The following GALNT2 variants were observed in gnomAD, a reference collection of about 807,000 sequenced individuals.
GALNT2 encodes polypeptide N-acetylgalactosaminyltransferase 2, also known as UDP-GalNAc:polypeptide N-acetylgalactosaminyltransferase 2.
A neutral mutation model predicts 81.4 loss-of-function variants in GALNT2; 31 were observed. The ratio of observed to expected loss-of-function variants is 0.38; its 90% confidence interval spans 0.29 to 0.51. The LOEUF (loss-of-function observed/expected upper bound fraction) is 0.51, where lower values mean the gene tolerates loss of function less well. GALNT2 is among the 20% of genes least tolerant of loss of function. The pLI is 0.87. For synonymous variants in GALNT2, 303 were observed against 287.4 expected (o/e 1.05, Z -0.55); for missense variants, 629 against 765.7 (o/e 0.82, Z 2.11).
intron 1 of GALNT2, among the ~76,000 whole-genome samples, chr1:230,105,308 G>A (rs1242860620): frequency 6.6e-6 from 1 of 152,198 alleles, no homozygotes; most frequent in African/African-American, 2.4e-5. Context: ...ACTCAAGCTG[G>A]TTTTAGACAT....
intron 3 of GALNT2, among the ~76,000 whole-genome samples, chr1:230,222,655 A>G (rs1310473791): frequency 6.6e-6 from 1 of 152,096 alleles, no homozygotes; most frequent in Admixed American, 6.6e-5. Flanking sequence ...CTGTGGAGTC[A>G]GACATTACAA....
At chr1:230,100,642 A>C (rs1660376138) in intron 1 of GALNT2, among the ~76,000 whole-genome samples, 1 of 152,198 alleles carries the variant, frequency 6.6e-6, no homozygotes, top group Admixed American at 6.5e-5. Flanking sequence ...TTCTTAAAAT[A>C]ATCCTGTGAG....
chr1:230,139,304 G>A (rs150598887), intron 1 of GALNT2, among the ~76,000 whole-genome samples: 48 of 152,282 alleles, frequency 3.2e-4, no homozygotes, highest in African/African-American at 9.4e-4. Context: ...CGATGTTATC[G>A]TTGAAGCCAA....
chr1:230,194,668 G>A (rs1026518258), intron 2 of GALNT2, among the ~76,000 whole-genome samples: 22 of 152,330 alleles, frequency 1.4e-4, no homozygotes, highest in African/African-American at 4.3e-4. Context: ...ATGCAGCTGC[G>A]AGGTGGCCAG....
intron 12 of GALNT2, 25 bp downstream of exon 12, chr1:230,262,690 CAA>C: frequency 1.0e-6 from 1 of 973,324 alleles, no homozygotes; most frequent in Non-Finnish European, 1.6e-6. Flanking sequence ...TGCCTTCTCA[CAA>C]TTACTGGGGA....
intron 1 of GALNT2, among the ~76,000 whole-genome samples, chr1:230,094,392 G>A (rs576783406): frequency 6.6e-6 from 1 of 152,102 alleles, no homozygotes; most frequent in East Asian, 1.9e-4. Context: ...GGGAGGTCGA[G>A]GCGGGTGGGA....
chr1:230,255,450 G>A, intron 11 of GALNT2, 106 bp downstream of exon 11: 4 of 1,437,540 alleles, frequency 2.8e-6, no homozygotes, highest in Admixed American at 1.8e-5. Flanking sequence ...TGGGTGTGGT[G>A]CATTTATACA....
chr1:230,124,990 C>G (rs543113079), intron 1 of GALNT2, among the ~76,000 whole-genome samples: 3 of 152,194 alleles, frequency 2.0e-5, no homozygotes, highest in Non-Finnish European at 4.4e-5. Flanking sequence ...TTGTTCTCTT[C>G]CACCAAACAG....
chr1:230,245,969 G>T (rs1249100614), intron 7 of GALNT2, 94 bp from the exon 8 acceptor site: 3 of 1,039,414 alleles, frequency 2.9e-6, no homozygotes, highest in African/African-American at 1.6e-5. Flanking sequence ...AGTTGGGTTT[G>T]CCCTGTGCCT....
chr1:230,108,596 G>GT (rs1342502033), intron 1 of GALNT2, among the ~76,000 whole-genome samples: 1 of 152,216 alleles, frequency 6.6e-6, no homozygotes, highest in African/African-American at 2.4e-5. Context: ...TAAAGACACT[G>GT]TAAGTTGGAA....
chr1:230,157,680 C>G (rs376959354), intron 1 of GALNT2, among the ~76,000 whole-genome samples: 3 of 152,190 alleles, frequency 2.0e-5, no homozygotes, highest in African/African-American at 7.2e-5. Context: ...GCACGGTTCA[C>G]ACAATGTGGA....
chr1:230,185,003 A>T (rs969097235), intron 2 of GALNT2, among the ~76,000 whole-genome samples: 1 of 152,064 alleles, frequency 6.6e-6, no homozygotes, highest in Non-Finnish European at 1.5e-5. Context: ...TTTCCTCAGC[A>T]TGTCATGTCT....
At chr1:230,207,508 A>G (rs1664099223) in intron 3 of GALNT2, among the ~76,000 whole-genome samples, 1 of 152,214 alleles carries the variant, frequency 6.6e-6, no homozygotes, top group South Asian at 2.1e-4. Flanking sequence ...GAAGCACACA[A>G]AAGCCAGCTG....
chr1:230,277,809 T>C (rs574620097), intron 15 of GALNT2, among the ~76,000 whole-genome samples: 3 of 152,348 alleles, frequency 2.0e-5, no homozygotes, highest in Admixed American at 6.5e-5. Context: ...ATCTTGGAAC[T>C]GAACTGGCTT....
chr1:230,200,956 C>T (rs932430908), intron 2 of GALNT2, among the ~76,000 whole-genome samples: 9 of 152,176 alleles, frequency 5.9e-5, no homozygotes, highest in African/African-American at 2.2e-4. Context: ...TAGATTTTAA[C>T]AAAAGCTTCA....
intron 11 of GALNT2, among the ~76,000 whole-genome samples, chr1:230,256,371 G>A (rs1365119444): frequency 2.0e-5 from 3 of 151,894 alleles, no homozygotes; most frequent in Non-Finnish European, 4.4e-5. Flanking sequence ...GCTTGAACTC[G>A]GGAGGTGGAG....
chr1:230,071,924 T>C (rs1659388091), intron 1 of GALNT2, among the ~76,000 whole-genome samples: 1 of 152,198 alleles, frequency 6.6e-6, no homozygotes, highest in Non-Finnish European at 1.5e-5. Flanking sequence ...AGTAACGAGC[T>C]CTTCCCTAGA....
At chr1:230,203,626 A>G (rs1267150181) in intron 3 of GALNT2, among the ~76,000 whole-genome samples, 1 of 152,222 alleles carries the variant, frequency 6.6e-6, no homozygotes, top group Non-Finnish European at 1.5e-5. Flanking sequence ...CAAAAATGCA[A>G]AATTTGTCAT....
intron 1 of GALNT2, among the ~76,000 whole-genome samples, chr1:230,069,463 G>C (rs1472902727): frequency 6.6e-6 from 1 of 152,076 alleles, no homozygotes; most frequent in Non-Finnish European, 1.5e-5. Context: ...GTGATTTGTC[G>C]GTTGAGGAAG....
Sources: gnomAD v4.1 joint callset for allele counts (sites outside exome capture counted in the v4.1 genomes callset) on GRCh38, gnomAD v4.1.1 for gene constraint, MANE v1.5 for transcripts, NCBI Gene and HGNC (gene_info 2026-07-23, HGNC 2026-07-21) for gene names.